Variants in PKMYT1 observed in about 807,000 individuals in gnomAD.
PKMYT1 encodes the protein protein kinase, membrane associated tyrosine/threonine 1, also known as membrane-associated tyrosine- and threonine-specific cdc2-inhibitory kinase.
A neutral mutation model predicts 49.7 loss-of-function variants in PKMYT1; 35 were observed. The ratio of observed to expected loss-of-function variants is 0.70; its 90% CI spans 0.54 to 0.93. The LOEUF (loss-of-function observed/expected upper bound fraction) is 0.93, where lower values mean the gene tolerates loss of function less well. PKMYT1 is among the 40% of genes least tolerant of loss of function. The pLI is 0.00. For missense variants in PKMYT1, 677 were observed against 673.1 expected (o/e 1.01, Z -0.06); for synonymous variants, 331 against 287.6 (o/e 1.15, Z -1.53).
rs1482320538 is a variant in PKMYT1 at position 2,976,850 on chromosome 16, G to A, written c.192C>T (p.Ser64=). The A allele has an allele frequency of 6.5e-7, 1 of 1,543,722 alleles. No homozygotes were observed. Among genetic ancestry groups the A allele is most frequent in the South Asian group, 1.2e-5 (1 of 83,212 alleles). ...PPPAKGSIPI[S]RLFPPRTPGW... ...CTGGGGTCCGAGGAGGGAAGAGGCG[G>A]CTGATGGGAATGCTGCCCTTGGCAG... is the stretch of plus-strand genomic sequence containing the variant. Residue 64 remains serine (S), a synonymous_variant, in exon 3 of 9, where the codon AGC becomes AGT. Transcript: ENST00000262300.
Position 2,976,931 on chromosome 16 carries a change from A to G in PKMYT1, c.111T>C (p.Pro37=). The G allele has an allele frequency of 6.5e-7, 1 of 1,549,056 alleles. No homozygotes were observed. The highest frequency in any genetic ancestry group is 2.4e-5 in the East Asian group (1 of 41,336). ...PVPAYFRHAE[P]GFSLKRPRGL... ...CCCTGGGCCTCTTGAGGGAGAATCC[A>G]GGTTCTGCGTGGCGGAAGTAGGCTG... is the stretch of plus-strand genomic sequence containing the variant. Residue 37 remains proline (P), a synonymous_variant, in exon 3 of 9, where the codon CCT becomes CCC. Transcript: ENST00000262300.
In PKMYT1 at chr16:2,977,158, G is replaced by A. The variant is rs561831530; in HGVS notation, c.11-127C>T. ...CCACACACTTATTCTACTTTAAACGGCAATGGGAGCAATAAGCACCTACCA... is the reference window on the plus strand; with the variant it reads ...CCACACACTTATTCTACTTTAAACGACAATGGGAGCAATAAGCACCTACCA... On this transcript the variant is annotated intron_variant, in intron 2 of 8. Coordinates refer to ENST00000262300, the MANE Select transcript of PKMYT1 (RefSeq NM_004203.5). The A allele has an allele frequency of 1.5e-5, 23 of 1,492,234 alleles. No homozygotes were observed. The East Asian group carries it at 5.0e-4, about 32-fold the overall frequency. 92.4% of individuals were successfully genotyped at this position (1,492,234 alleles called of 1,614,324 possible). A position where few individuals can be genotyped will look rare whatever the true frequency, so the allele number is the denominator to read the frequency against.
At position 2,973,994 on chromosome 16, in the gene PKMYT1, A is replaced by T. The variant is rs1203903054; in HGVS notation, c.1310+6T>A. The T allele has an allele frequency of 2.5e-6, 4 of 1,611,966 alleles. No homozygotes were observed. Among genetic ancestry groups the T allele is most frequent in the Non-Finnish European group, 1.7e-6 (2 of 1,179,710 alleles). ...CTAGCCCCCCATACCCTGCACTTGA[A>T]CCCACCCTAGGCTGTCGTCATCCCA... On this transcript the variant is annotated splice_donor_region_variant and intron_variant, in intron 7 of 8. Transcript: ENST00000262300.
At position 2,974,143 on chromosome 16, in the gene PKMYT1, C is replaced by A; in HGVS notation, c.1167G>T (p.Leu389=). The A allele has an allele frequency of 6.2e-7, 1 of 1,600,172 alleles. No homozygotes were observed. The highest frequency in any genetic ancestry group is 8.5e-7 in the Non-Finnish European group (1 of 1,173,704). The change falls in exon 7 of 9, where the codon CTG becomes CTT. Residue 389 remains leucine, a synonymous_variant. Coordinates refer to ENST00000262300, the MANE Select transcript of PKMYT1 (RefSeq NM_004203.5). ...CCAGCCCATGCCAGAGCCAGCAGAG[C>A]AGGGCAAGCAGGGCCTGTGGGGGAG... ...GWALWQALLA[L]LCWLWHGLAH... is the part of the protein sequence containing the mutation.
chr16:2,973,294 G>C, intron 7 of PKMYT1, 79 bp from the exon 8 acceptor site: 1 of 1,504,114 alleles, frequency 6.6e-7, no homozygotes, highest in Non-Finnish European at 8.9e-7. Context: ...CCCTGTGCAG[G>C]CTCCAGGCTC....
At position 2,975,337 on chromosome 16, in the gene PKMYT1, G is replaced by A; in HGVS notation, c.854C>T (p.Thr285Ile). 1 of 1,612,474 alleles carries A rather than the reference G, an allele frequency of 6.2e-7. No individual in the cohort carries two copies. Among genetic ancestry groups the A allele is most frequent in the Non-Finnish European group, 8.5e-7 (1 of 1,179,692 alleles). ...APELLQGSYG[T>I]AADVFSLGLT... ...TCCCCACCTGAACACATCCGCTGCTGTCCCATAGGAGCCCTGCAGCAGCTC... is the reference window on the plus strand; with the variant it reads ...TCCCCACCTGAACACATCCGCTGCTATCCCATAGGAGCCCTGCAGCAGCTC... Residue 285 changes from threonine to isoleucine, a missense_variant, in exon 4 of 9, where the codon ACA (threonine) becomes ATA (isoleucine). Thr to Ile is a moderately conservative substitution (Grantham distance 89). Transcript: ENST00000262300.
Position 2,974,254 on chromosome 16 carries a change from G to A in PKMYT1, c.1143C>T (p.Ala381=), listed in dbSNP as rs1299220210. The stretch of plus-strand genomic sequence containing the variant: ...ACTGTCGGGAGCTTACCTGCCACAG[G>A]GCCCACCCTCGGCTCAGGGCCTCCG... ...MAAEALSRGW[A]LWQALLALLC... Residue 381 remains alanine, a synonymous_variant, in exon 6 of 9, where the codon GCC becomes GCT. Transcript: ENST00000262300. 1.3e-6 allele frequency: 2 copies of A among 1,566,192 alleles called. No individual in the cohort carries two copies. Among genetic ancestry groups the A allele is most frequent in the Non-Finnish European group, 1.7e-6 (2 of 1,156,372 alleles).
Position 2,975,694 on chromosome 16 carries a change from T to C in PKMYT1, c.497A>G (p.Gln166Arg). ...CTCCAGCCGCACGCAGCATGGGTGC[T>C]GCCCCACCTTCTCGTGGCTGCCCAC... ...AEVGSHEKVG[Q>R]HPCCVRLEQA... Residue 166 changes from glutamine to arginine, a missense_variant, in exon 4 of 9, where the codon CAG becomes CGG. Physicochemically the swap from Gln to Arg is conservative, Grantham distance 43. Transcript: ENST00000262300. 6.2e-7 allele frequency: 1 copy of C among 1,609,314 alleles called. No homozygotes were observed. The highest frequency in any genetic ancestry group is 8.5e-7 in the Non-Finnish European group (1 of 1,179,862).
chr16:2,977,966 C>A (rs912208617), intron 2 of PKMYT1, among the ~76,000 whole-genome samples: 1 of 152,162 alleles, frequency 6.6e-6, no homozygotes, highest in African/African-American at 2.4e-5. Flanking sequence ...TATCTCAGGC[C>A]CGGCAGGCTG....
In PKMYT1 at chr16:2,975,350, C is replaced by T; in HGVS notation, c.841G>A (p.Gly281Ser). Residue 281 changes from glycine (G) to serine (S), a missense_variant, in exon 4 of 9, where the codon GGC (glycine) becomes AGC (serine). By Grantham distance (56) the Gly-to-Ser change is moderately conservative. Transcript: ENST00000262300. ...ACATCCGCTGCTGTCCCATAGGAGC[C>T]CTGCAGCAGCTCGGGGGCCATGTAG... is the stretch of plus-strand genomic sequence containing the variant. ...PRYMAPELLQGSYGTAADVFS... is the reference protein window; with the variant it reads ...PRYMAPELLQSSYGTAADVFS... 1 of 1,612,828 alleles carries T rather than the reference C, an allele frequency of 6.2e-7. No homozygotes were observed. Among genetic ancestry groups the T allele is most frequent in the Non-Finnish European group, 8.5e-7 (1 of 1,179,852 alleles).
At chr16:2,978,870 G>GCA (rs2072268286) in intron 2 of PKMYT1, among the ~76,000 whole-genome samples, 1 of 151,218 alleles carries the variant, frequency 6.6e-6, no homozygotes, top group Admixed American at 6.6e-5. Context: ...GCAGTGGTAT[G>GCA]ATCTCGGCCC....
Position 2,974,667 on chromosome 16 carries a change from C to G in PKMYT1, c.873-11G>C. The stretch of plus-strand genomic sequence containing the variant: ...ATGGTGAGGCCCAGACTGGCAGGGA[C>G]GGGATGGGGACAGAAAGGGGCAGGG... On this transcript the variant is annotated splice_polypyrimidine_tract_variant and intron_variant, in intron 4 of 8. Transcript: ENST00000262300. The G allele has an allele frequency of 6.5e-7, 1 of 1,537,990 alleles. No homozygotes were observed. The highest frequency in any genetic ancestry group is 2.0e-5 in the Admixed American group (1 of 51,212).
At chr16:2,975,986 A>C in intron 3 of PKMYT1, 174 bp from the exon 4 acceptor site, 1 of 700,926 alleles carries the variant, frequency 1.4e-6, no homozygotes, top group Non-Finnish European at 2.3e-6. Flanking sequence ...ACAAACCTCC[A>C]TCCCTCGGGC....
intron 7 of PKMYT1, chr16:2,973,495 A>G: frequency 7.0e-7 from 1 of 1,438,374 alleles, no homozygotes; most frequent in Non-Finnish European, 9.3e-7. Context: ...GCCTTTCTGG[A>G]ACTTCTTGTC....
rs77704128 is a variant in PKMYT1, at chr16:2,975,909, C to T, written c.379-97G>A. ...CCTGGCAGACCCCATTAAGGGTTCACACACGGGGCACGGTGGTGTAGCTGG... is the reference window on the plus strand; with the variant it reads ...CCTGGCAGACCCCATTAAGGGTTCATACACGGGGCACGGTGGTGTAGCTGG... On this transcript the variant is annotated intron_variant, in intron 3 of 8. Coordinates refer to ENST00000262300, the MANE Select transcript of PKMYT1 (RefSeq NM_004203.5). 4 of 1,304,200 alleles carry T rather than the reference C, an allele frequency of 3.1e-6. No homozygotes were observed. In the African/African-American group the frequency reaches 4.4e-5, roughly 14 times the overall value. The allele number at this position is 1,304,200 out of a possible 1,614,324, so 80.8% of individuals were successfully genotyped here.
chr16:2,977,486 G>A lies in PKMYT1; in HGVS notation c.11-455C>T, dbSNP rs548526061. On this transcript the variant is annotated intron_variant, in intron 2 of 8. Coordinates refer to ENST00000262300, the MANE Select transcript of PKMYT1 (RefSeq NM_004203.5). ...TGTCTTTCTTTTTCATAACTGTCGT[G>A]CCAAAACCCAGTTAGTGGTGTCCAC... 5 of 994,950 alleles carry A rather than the reference G, an allele frequency of 5.0e-6. No individual in the cohort carries two copies. In the Admixed American group the frequency reaches 2.3e-4, roughly 45 times the overall value. The allele number at this position is 994,950 out of a possible 1,614,324, so 61.6% of individuals were successfully genotyped here. A position where few individuals can be genotyped will look rare whatever the true frequency, so the allele number is the denominator to read the frequency against.
chr16:2,977,365 G>C, intron 2 of PKMYT1: 1 of 1,075,740 alleles, frequency 9.3e-7, no homozygotes, highest in Admixed American at 4.8e-5. Flanking sequence ...ATCACGGCCA[G>C]CTCTTTGATC....
chr16:2,973,936 C>T lies in PKMYT1; in HGVS notation c.1310+64G>A, dbSNP rs955830959. The T allele has an allele frequency of 2.6e-6, 4 of 1,542,510 alleles. No individual in the cohort carries two copies. In the East Asian group the frequency reaches 9.1e-5, roughly 35 times the overall value. On this transcript the variant is annotated intron_variant, in intron 7 of 8. Coordinates refer to ENST00000262300, the MANE Select transcript of PKMYT1 (RefSeq NM_004203.5). ...GTGGTCCCCATTCACCACGAATCTC[C>T]ATGGAGCCCCGGTGATATCCCCCAC...
At position 2,974,045 on chromosome 16, in the gene PKMYT1, A is replaced by C; in HGVS notation, c.1265T>G (p.Leu422Arg). Residue 422 changes from leucine to arginine, a missense_variant, in exon 7 of 9, where the codon CTC (leucine) becomes CGC (arginine). By Grantham distance (102) the Leu-to-Arg change is moderately radical. Transcript: ENST00000262300. ...GTTGCTGGAGAGGCTGCTGTCCAGG[A>C]GCAAACTGCAGGGTGGTGAGCCAGG... Reference protein sequence around the residue: ...TPPGSPPCSLLLDSSLSSNWD... With the variant: ...TPPGSPPCSLRLDSSLSSNWD... 6.2e-7 allele frequency: 1 copy of C among 1,612,492 alleles called. No homozygotes were observed.
Sources: gnomAD v4.1 joint callset for allele counts (sites outside exome capture counted in the v4.1 genomes callset) on GRCh38, gnomAD v4.1.1 for gene constraint, MANE v1.5 for transcripts, NCBI Gene and HGNC (gene_info 2026-07-23, HGNC 2026-07-21) for gene names.